Variants in HDAC9 observed in about 807,000 individuals in gnomAD.
The protein encoded by HDAC9 is histone deacetylase 9.
A neutral mutation model predicts 139.4 loss-of-function variants in HDAC9; 41 were observed. The ratio of observed to expected loss-of-function variants is 0.29; its 90% CI spans 0.23 to 0.38. The LOEUF (loss-of-function observed/expected upper bound fraction) is 0.38. Among genes scored for constraint, HDAC9 ranks in the 10% least tolerant of loss-of-function variants. The probability of loss-of-function intolerance (pLI) is 1.00; values close to 1 mark genes in which losing one functional copy is unlikely to be tolerated. For missense variants in HDAC9, 1,147 were observed against 1,297.0 expected (o/e 0.88, Z 1.78); for synonymous variants, 517 against 476.2 (o/e 1.09, Z -1.12).
chr7:18,163,254 A>G (rs1205012296), intron 2 of HDAC9, among the ~76,000 whole-genome samples: 1 of 152,102 alleles, frequency 6.6e-6, no homozygotes, highest in Non-Finnish European at 1.5e-5. Context: ...CAGGCCTCCA[A>G]CTTGTATGCT....
intron 1 of HDAC9, among the ~76,000 whole-genome samples, chr7:18,451,962 A>G (rs1792911440): frequency 6.6e-6 from 1 of 152,106 alleles, no homozygotes; most frequent in Non-Finnish European, 1.5e-5. Flanking sequence ...GTTATGGTAG[A>G]TCCATATCCC....
intron 2 of HDAC9, among the ~76,000 whole-genome samples, chr7:18,272,359 A>G (rs1364749398): frequency 1.3e-5 from 2 of 152,168 alleles, no homozygotes; most frequent in African/African-American, 4.8e-5. Context: ...AAATACATAT[A>G]TAGTGTGTTG....
chr7:18,484,173 CAAAA>C (rs1177599086), intron 1 of HDAC9, among the ~76,000 whole-genome samples: 1 of 63,244 alleles, frequency 1.6e-5, no homozygotes, highest in African/African-American at 5.4e-5. Flanking sequence ...CCTTATCTCT[CAAAA>C]AAAAAAAAAA....
At chr7:18,167,193 ATTT>A (rs57125526) in intron 2 of HDAC9, among the ~76,000 whole-genome samples, 2 of 143,096 alleles carry the variant, frequency 1.4e-5, no homozygotes. Flanking sequence ...ATTGTTTTGG[ATTT>A]TTTTTTTTTT....
At chr7:18,549,945 CTT>C (rs925481214) in intron 2 of HDAC9, among the ~76,000 whole-genome samples, 1 of 143,996 alleles carries the variant, frequency 6.9e-6, no homozygotes. Context: ...CTCCCTAGTT[CTT>C]TTTTTTTTGT....
chr7:18,636,293 C>G lies in HDAC9; in HGVS notation c.912+1551C>G, dbSNP rs2285432. On this transcript the variant is annotated intron_variant, in intron 8 of 25. Transcript: ENST00000686413. The stretch of plus-strand genomic sequence containing the variant: ...TCTTACTGCTGTGTCCCCTGCCAGC[C>G]CCCCCTGCCCTGGGCTGTCTGATGT... Among the ~76,000 whole-genome samples, 409 of 151,880 alleles carry G rather than the reference C, an allele frequency of 2.7e-3. 1 individual carries two copies. The highest frequency in any genetic ancestry group is 9.4e-3 in the African/African-American group (389 of 41,418).
chr7:18,827,165 A>G (rs1176216800), intron 17 of HDAC9, among the ~76,000 whole-genome samples: 1 of 151,948 alleles, frequency 6.6e-6, no homozygotes, highest in East Asian at 1.9e-4. Context: ...TATATATTAT[A>G]CTATGTATAT....
intron 2 of HDAC9, among the ~76,000 whole-genome samples, chr7:18,502,171 G>A (rs1024299490): frequency 3.3e-5 from 5 of 152,154 alleles, no homozygotes; most frequent in African/African-American, 9.7e-5. Flanking sequence ...AAGTTGACTC[G>A]TAGCAGTTTC....
At chr7:18,859,078 C>T (rs1441464143) in intron 21 of HDAC9, among the ~76,000 whole-genome samples, 4 of 152,092 alleles carry the variant, frequency 2.6e-5, no homozygotes, top group African/African-American at 7.2e-5. Flanking sequence ...CAGTTATTTG[C>T]TGAAACAACT....
intron 1 of HDAC9, among the ~76,000 whole-genome samples, chr7:18,380,557 C>CTG (rs1389414660): frequency 6.6e-6 from 1 of 152,204 alleles, no homozygotes; most frequent in African/African-American, 2.4e-5. Context: ...CAGCAATTGA[C>CTG]TGTATGGCTT....
At chr7:18,305,252 A>G (rs1199656962) in intron 1 of HDAC9, among the ~76,000 whole-genome samples, 3 of 152,198 alleles carry the variant, frequency 2.0e-5, no homozygotes, top group Non-Finnish European at 4.4e-5. Context: ...AAGTGCCACA[A>G]TAGCAAAAAT....
intron 1 of HDAC9, among the ~76,000 whole-genome samples, chr7:18,360,879 G>T (rs1783722091): frequency 6.6e-6 from 1 of 152,094 alleles, no homozygotes; most frequent in Non-Finnish European, 1.5e-5. Context: ...GACAAATAAT[G>T]ATCAATGGGT....
chr7:18,863,618 C>T (rs1322793348), intron 21 of HDAC9, among the ~76,000 whole-genome samples: 3 of 152,020 alleles, frequency 2.0e-5, no homozygotes, highest in Non-Finnish European at 2.9e-5. Context: ...ACAAACATTT[C>T]TTCCCTAGAG....
chr7:18,285,706 T>C (rs1797394011), upstream of HDAC9, among the ~76,000 whole-genome samples: 1 of 152,140 alleles, frequency 6.6e-6, no homozygotes, highest in South Asian at 2.1e-4. Context: ...GTGTTATGTC[T>C]TATGTTTACT....
chr7:18,234,424 C>G (rs548239873), intron 2 of HDAC9, among the ~76,000 whole-genome samples: 1 of 152,280 alleles, frequency 6.6e-6, no homozygotes, highest in East Asian at 1.9e-4. Flanking sequence ...AGAAATTGAA[C>G]TGACCGTTTT....
rs1783179080 is a variant in HDAC9, at chr7:18,106,007, A to G, written c.-97+18794A>G. ...CCACATGCTATTTTATTCAATTTAT[A>G]GGAAATAGCCAAAGACTAAAGGTAG... On this transcript the variant is annotated intron_variant, in intron 1 of 12. Coordinates refer to the HDAC9 transcript ENST00000417496. 2.0e-5 allele frequency among the ~76,000 whole-genome samples: 3 copies of G among 152,214 alleles called. No homozygotes were observed. In the South Asian group the frequency reaches 6.2e-4, roughly 32 times the overall value.
intron 1 of HDAC9, among the ~76,000 whole-genome samples, chr7:18,369,907 G>A (rs1784466253): frequency 6.6e-6 from 1 of 151,988 alleles, no homozygotes; most frequent in South Asian, 2.1e-4. Context: ...TTCCAGTGTA[G>A]GAAAAAATTG....
chr7:18,260,847 T>G (rs2128206500), intron 2 of HDAC9, among the ~76,000 whole-genome samples: 1 of 152,286 alleles, frequency 6.6e-6, no homozygotes, highest in Non-Finnish European at 1.5e-5. Context: ...GCTTTCTTCC[T>G]GGAAACTGAC....
At chr7:18,357,121 G>T (rs950489905) in intron 1 of HDAC9, among the ~76,000 whole-genome samples, 22 of 152,146 alleles carry the variant, frequency 1.4e-4, no homozygotes, top group Middle Eastern at 6.8e-3. Context: ...GGATCTTATA[G>T]AATCTTATAG....
Sources: allele counts gnomAD v4.1 joint callset (sites outside exome capture counted in the v4.1 genomes callset), GRCh38; gene constraint gnomAD v4.1.1; transcripts MANE v1.5; gene names NCBI Gene and HGNC (gene_info 2026-07-23, HGNC 2026-07-21).